The following ICAM5 variants were observed in gnomAD, a reference collection of about 807,000 sequenced individuals.
The protein encoded by ICAM5 is intercellular adhesion molecule 5.
A neutral mutation model predicts 78.8 loss-of-function variants in ICAM5; 38 were observed. That is an observed-to-expected ratio of 0.48 (90% confidence interval 0.37 to 0.63). ICAM5 has a LOEUF of 0.63. ICAM5 is among the 30% of genes least tolerant of loss of function. ICAM5 has a pLI of 0.00. For missense variants in ICAM5, 1,059 were observed against 1,303.0 expected (o/e 0.81, Z 2.88); for synonymous variants, 544 against 590.9 (o/e 0.92, Z 1.15).
rs770339845 is a variant in ICAM5 at position 10,293,086 on chromosome 19, G to T, written c.1305G>T (p.Gly435=). 1.2e-6 allele frequency: 2 copies of T among 1,610,146 alleles called. No homozygotes were observed. The highest frequency in any genetic ancestry group is 1.7e-6 in the Non-Finnish European group (2 of 1,179,672). Reference sequence around the variant, plus strand: ...AGACGCTGCGCTGCGAGGCCCGCGGGAACCCAGAACCCTCAGTGCACTGTG... The same window carrying T: ...AGACGCTGCGCTGCGAGGCCCGCGGTAACCCAGAACCCTCAGTGCACTGTG... ...PEQTLRCEAR[G]NPEPSVHCAR... is the part of the protein sequence containing the mutation. Residue 435 remains glycine (G), a synonymous_variant, in exon 6 of 11, where the codon GGG becomes GGT. Coordinates refer to ENST00000221980, the MANE Select transcript of ICAM5 (RefSeq NM_003259.4). The surrounding 1 kb of genome is among the most constrained non-coding windows in gnomAD (Gnocchi z 5.0).
chr19:10,293,703 C>T lies in ICAM5; in HGVS notation c.1471C>T (p.Pro491Ser). 6.2e-7 allele frequency: 1 copy of T among 1,613,368 alleles called. No individual in the cohort carries two copies. Among genetic ancestry groups the T allele is most frequent in the East Asian group, 2.2e-5 (1 of 44,868 alleles). The change falls in exon 7 of 11, where the codon CCA becomes TCA. Residue 491 changes from proline to serine, a missense_variant. Around this residue, in one of 3 missense-constraint regions of ICAM5, gnomAD observed 815 missense variants for 952.8 expected, o/e 0.86. Coordinates refer to ENST00000221980, the MANE Select transcript of ICAM5 (RefSeq NM_003259.4). The surrounding 1 kb of genome is among the most constrained non-coding windows in gnomAD (Gnocchi z 5.0). ...CAATACACTCCCTCCTCCAGACGCA[C>T]CAGCGCTGGACAGCGTGGGCTGCCC... ...KDVTLTVEYA[P>S]ALDSVGCPER...
In ICAM5 at chr19:10,291,683, G is replaced by A. The variant is rs1032004664; in HGVS notation, c.547G>A (p.Ala183Thr). 1.9e-6 allele frequency: 3 copies of A among 1,612,614 alleles called. No individual in the cohort carries two copies. The highest frequency in any genetic ancestry group is 2.7e-5 in the African/African-American group (2 of 74,940). ...CCGAGCGCGGGGCGCGGTGCTCACA[G>A]CCACGGTACTGGCTCGGAGGGAGGA... ...PPRARGAVLTATVLARREDHG... is the reference protein window; with the variant it reads ...PPRARGAVLTTTVLARREDHG... The change falls in exon 3 of 11, where the codon GCC (alanine) becomes ACC (threonine). Residue 183 changes from alanine to threonine, a missense_variant. By Grantham distance (58) the Ala-to-Thr change is moderately conservative (BLOSUM62 0). Transcript: ENST00000221980.
At position 10,293,550 on chromosome 19, in the gene ICAM5, G is replaced by A; in HGVS notation, c.1466-148G>A. Reference sequence around the variant, plus strand: ...CAGGAAGCTCCCAGACAGAGTGCATGCCTCGACTAGCGTGACACCTCCTTG... The same window carrying A: ...CAGGAAGCTCCCAGACAGAGTGCATACCTCGACTAGCGTGACACCTCCTTG... On this transcript the variant is annotated intron_variant, in intron 6 of 10. Transcript: ENST00000221980. This position sits in a 1 kb window ranked among gnomAD's most constrained non-coding sequence, Gnocchi z 5.0. The A allele has an allele frequency of 8.6e-7, 1 of 1,169,318 alleles. No homozygotes were observed. Among genetic ancestry groups the A allele is most frequent in the Non-Finnish European group, 1.2e-6 (1 of 839,894 alleles). The allele number at this position is 1,169,318 out of a possible 1,614,324, so 72.4% of individuals were successfully genotyped here.
At chr19:10,292,443 G>GGGGGCGGAGACGTAATCGCT (rs2040182084) in intron 4 of ICAM5, 121 bp downstream of exon 4, 11 of 1,361,656 alleles carry the variant, frequency 8.1e-6, no homozygotes, top group Non-Finnish European at 1.0e-5. Flanking sequence ...CGGGGCAGGT[G>GGGGGCGGAGACGTAATCGCT]GGGGCGGAGA....
rs1416284541 is a variant in ICAM5, at chr19:10,292,033, A to C, written c.674-2A>C. On this transcript the variant is annotated splice_acceptor_variant, in intron 3 of 10. Coordinates refer to ENST00000221980, the MANE Select transcript of ICAM5 (RefSeq NM_003259.4). LOFTEE classifies it high-confidence loss of function. ...GTTCAAACTTGGTTCTTCGACCCCT[A>C]GCCCTGTCTCCGGATGCCCCGCGCC... 1.9e-6 allele frequency: 3 copies of C among 1,611,334 alleles called. No homozygotes were observed. The Middle Eastern group carries it at 5.0e-4, about 266-fold the overall frequency.
chr19:10,296,385 G>A lies in ICAM5; in HGVS notation c.2544G>A (p.Ala848=). 2 of 1,261,418 alleles carry A rather than the reference G, an allele frequency of 1.6e-6. No individual in the cohort carries two copies. The highest frequency in any genetic ancestry group is 6.1e-5 in the South Asian group (2 of 32,628). The allele number at this position is 1,261,418 out of a possible 1,614,324, so 78.1% of individuals were successfully genotyped here. ...VAVGGAAGGA[A]LLAAGAGLAF... Reference sequence around the variant, plus strand: ...TGGGCGGCGCGGCGGGGGGCGCGGCGCTGCTGGCCGCGGGGGCCGGCCTGG... The same window carrying A: ...TGGGCGGCGCGGCGGGGGGCGCGGCACTGCTGGCCGCGGGGGCCGGCCTGG... The change falls in exon 11 of 11, where the codon GCG becomes GCA. Residue 848 remains alanine (A), a synonymous_variant. Transcript: ENST00000221980.
chr19:10,291,426 C>T, intron 2 of ICAM5, 63 bp from the exon 3 acceptor site: 1 of 1,607,758 alleles, frequency 6.2e-7, no homozygotes, highest in Admixed American at 1.7e-5. Context: ...TCCTCCCCTT[C>T]AGGCCCCACC....
rs955750471 is a variant in ICAM5, at chr19:10,295,530, G to C, written c.2415G>C (p.Met805Ile). 6.4e-7 allele frequency: 1 copy of C among 1,550,906 alleles called. No homozygotes were observed. Among genetic ancestry groups the C allele is most frequent in the South Asian group, 1.2e-5 (1 of 84,620 alleles). ...NNSTLSVAGAMGSHGGEYECA... is the reference protein window; with the variant it reads ...NNSTLSVAGAIGSHGGEYECA... Reference sequence around the variant, plus strand: ...GCACACTGAGCGTGGCAGGCGCCATGGGAAGCCACGGCGGCGAGTACGAGT... The same window carrying C: ...GCACACTGAGCGTGGCAGGCGCCATCGGAAGCCACGGCGGCGAGTACGAGT... The change falls in exon 10 of 11, where the codon ATG becomes ATC. Residue 805 changes from methionine (M) to isoleucine (I), a missense_variant. Met to Ile is a conservative substitution (Grantham distance 10). Coordinates refer to ENST00000221980, the MANE Select transcript of ICAM5 (RefSeq NM_003259.4).
At position 10,296,774 on chromosome 19, in the gene ICAM5, A is replaced by G; in HGVS notation, c.*158A>G. The G allele has an allele frequency of 1.9e-6, 1 of 538,918 alleles. No homozygotes were observed. Among genetic ancestry groups the G allele is most frequent in the Non-Finnish European group, 2.6e-6 (1 of 381,310 alleles). 33.4% of individuals were successfully genotyped at this position (538,918 alleles called of 1,614,324 possible). A position where few individuals can be genotyped will look rare whatever the true frequency, so the allele number is the denominator to read the frequency against. The stretch of plus-strand genomic sequence containing the variant: ...CATCCCCTCAATAAAGTTTTTATAA[A>G]GGAACTCCCTGTCTCCGCTTCTGTT... On this transcript the variant is annotated 3_prime_UTR_variant, in exon 11 of 11. Coordinates refer to ENST00000221980, the MANE Select transcript of ICAM5 (RefSeq NM_003259.4).
intron 4 of ICAM5, 138 bp from the exon 5 acceptor site, chr19:10,292,474 A>G: frequency 7.4e-7 from 1 of 1,360,366 alleles, no homozygotes. Context: ...GGGGAGGAGG[A>G]GCCTGTACAG....
rs765844530 is a variant in ICAM5 at position 10,296,373 on chromosome 19, G to A, written c.2532G>A (p.Ala844=). 13 of 1,254,622 alleles carry A rather than the reference G, an allele frequency of 1.0e-5. No homozygotes were observed. The African/African-American group carries it at 1.6e-4, about 15-fold the overall frequency. The allele number at this position is 1,254,622 out of a possible 1,614,324, so 77.7% of individuals were successfully genotyped here. ...PWLWVAVGGA[A]GGAALLAAGA... is the part of the protein sequence containing the mutation. Reference sequence around the variant, plus strand: ...TATGGGTCGCCGTGGGCGGCGCGGCGGGGGGCGCGGCGCTGCTGGCCGCGG... The same window carrying A: ...TATGGGTCGCCGTGGGCGGCGCGGCAGGGGGCGCGGCGCTGCTGGCCGCGG... The change falls in exon 11 of 11, where the codon GCG becomes GCA. Residue 844 remains alanine, a synonymous_variant. Transcript: ENST00000221980.
chr19:10,292,605 C>G lies in ICAM5; in HGVS notation c.962-7C>G. 1 of 1,554,336 alleles carries G rather than the reference C, an allele frequency of 6.4e-7. No individual in the cohort carries two copies. Among genetic ancestry groups the G allele is most frequent in the Non-Finnish European group, 8.7e-7 (1 of 1,151,824 alleles). On this transcript the variant is annotated splice_polypyrimidine_tract_variant and splice_region_variant and intron_variant, in intron 4 of 10. Coordinates refer to ENST00000221980, the MANE Select transcript of ICAM5 (RefSeq NM_003259.4). ...CAGTATACTACGACCAAATGCTCCG[C>G]CCCCAGGCTTCCCGGCACCACTCCT...
At position 10,289,962 on chromosome 19, in the gene ICAM5, C is replaced by A; in HGVS notation, c.-82C>A. 2.5e-6 allele frequency: 3 copies of A among 1,177,886 alleles called. No homozygotes were observed. The highest frequency in any genetic ancestry group is 3.5e-6 in the Non-Finnish European group (3 of 854,302). The allele number at this position is 1,177,886 out of a possible 1,614,324, so 73.0% of individuals were successfully genotyped here. A position where few individuals can be genotyped will look rare whatever the true frequency, so the allele number is the denominator to read the frequency against. On this transcript the variant is annotated 5_prime_UTR_variant, in exon 1 of 11. Transcript: ENST00000221980. ...AACTCTGCCTCCCCCACACCCCACC[C>A]GCCGCGCCGCGCGGAGCCGTCCTCT...
chr19:10,291,022 A>G, intron 1 of ICAM5, 50 bp from the exon 2 acceptor site: 1 of 1,556,090 alleles, frequency 6.4e-7, no homozygotes, highest in Non-Finnish European at 8.7e-7. Context: ...AGGGGCGCTA[A>G]GATGTCAGGG....
At position 10,291,711 on chromosome 19, in the gene ICAM5, A is replaced by G; in HGVS notation, c.575A>G (p.His192Arg). The change falls in exon 3 of 11, where the codon CAT (histidine) becomes CGT (arginine). Residue 192 changes from histidine to arginine, a missense_variant. By Grantham distance (29) the His-to-Arg change is conservative. This residue lies in a region of ICAM5 where 815 missense variants were observed against 952.8 expected (regional missense o/e 0.86). Coordinates refer to ENST00000221980, the MANE Select transcript of ICAM5 (RefSeq NM_003259.4). ...ACGGTACTGGCTCGGAGGGAGGACC[A>G]TGGAGCCAATTTCTCGTGTCGCGCC... ...TATVLARRED[H>R]GANFSCRAEL... The G allele has an allele frequency of 6.2e-7, 1 of 1,612,790 alleles. No individual in the cohort carries two copies. The highest frequency in any genetic ancestry group is 8.5e-7 in the Non-Finnish European group (1 of 1,179,986).
Position 10,296,706 on chromosome 19 carries a change from A to C in ICAM5, c.*90A>C. 9.1e-7 allele frequency: 1 copy of C among 1,097,196 alleles called. No individual in the cohort carries two copies. The highest frequency in any genetic ancestry group is 4.5e-5 in the South Asian group (1 of 22,022). 68.0% of individuals were successfully genotyped at this position (1,097,196 alleles called of 1,614,324 possible). ...GCTTTATTTATTTACTTATTCATTT[A>C]TTTATGTATTCAACTCCAAGGGCGT... On this transcript the variant is annotated 3_prime_UTR_variant, in exon 11 of 11. Transcript: ENST00000221980.
Position 10,293,260 on chromosome 19 carries a change from C to G in ICAM5, c.1465+14C>G, listed in dbSNP as rs1282013003. 6.4e-7 allele frequency: 1 copy of G among 1,561,548 alleles called. No homozygotes were observed. Among genetic ancestry groups the G allele is most frequent in the South Asian group, 1.2e-5 (1 of 83,034 alleles). ...TAACGGTGGAGTGTGAGTGGGGGTG[C>G]GCAGGGTGCATTTCTATCTGGTTCA... On this transcript the variant is annotated intron_variant, in intron 6 of 10. Coordinates refer to ENST00000221980, the MANE Select transcript of ICAM5 (RefSeq NM_003259.4). This position sits in a 1 kb window ranked among gnomAD's most constrained non-coding sequence, Gnocchi z 5.0.
In ICAM5 at chr19:10,296,371, G is replaced by A; in HGVS notation, c.2530G>A (p.Ala844Thr). The change falls in exon 11 of 11, where the codon GCG becomes ACG. Residue 844 changes from alanine (A) to threonine (T), a missense_variant. Physicochemically the swap from Ala to Thr is moderately conservative, Grantham distance 58 (BLOSUM62 0). Transcript: ENST00000221980. Reference protein sequence around the residue: ...PWLWVAVGGAAGGAALLAAGA... With the variant: ...PWLWVAVGGATGGAALLAAGA... Reference sequence around the variant, plus strand: ...GCTATGGGTCGCCGTGGGCGGCGCGGCGGGGGGCGCGGCGCTGCTGGCCGC... The same window carrying A: ...GCTATGGGTCGCCGTGGGCGGCGCGACGGGGGGCGCGGCGCTGCTGGCCGC... 1 of 1,254,886 alleles carries A rather than the reference G, an allele frequency of 8.0e-7. No homozygotes were observed. Among genetic ancestry groups the A allele is most frequent in the African/African-American group, 1.6e-5 (1 of 64,088 alleles). The allele number at this position is 1,254,886 out of a possible 1,614,324, so 77.7% of individuals were successfully genotyped here. A position where few individuals can be genotyped will look rare whatever the true frequency, so the allele number is the denominator to read the frequency against.
rs1321906014 is a variant in ICAM5, at chr19:10,291,777, A to G, written c.641A>G (p.Asn214Ser). Residue 214 changes from asparagine (N) to serine (S), a missense_variant, in exon 3 of 11, where the codon AAC becomes AGC. This residue lies in a region of ICAM5 where 815 missense variants were observed against 952.8 expected (regional missense o/e 0.86). Transcript: ENST00000221980. ...CCGCACGGACTGGGACTGTTTGAAA[A>G]CAGCTCGGCCCCCAGAGAGCTCCGA... is the stretch of plus-strand genomic sequence containing the variant. ...LRPHGLGLFE[N>S]SSAPRELRTF... 1.2e-6 allele frequency: 2 copies of G among 1,611,780 alleles called. No homozygotes were observed. The highest frequency in any genetic ancestry group is 1.7e-6 in the Non-Finnish European group (2 of 1,179,688).
Sources: gnomAD v4.1 joint callset for allele counts on GRCh38, gnomAD v4.1.1 for gene constraint, gnomAD v4.1.1 regional missense constraint, Gnocchi (gnomAD v3.1) non-coding constraint, MANE v1.5 for transcripts, NCBI Gene and HGNC (gene_info 2026-07-23, HGNC 2026-07-21) for gene names.